Variants in PLCE1 observed in about 807,000 individuals in gnomAD.
PLCE1 encodes phospholipase C epsilon 1.
A neutral mutation model predicts 242.8 loss-of-function variants in PLCE1; 119 were observed. The observed-to-expected ratio is 0.49, with a 90% CI of 0.42 to 0.57. PLCE1 has a LOEUF of 0.57. PLCE1 is among the 20% of genes least tolerant of loss of function. The pLI is 0.00. For synonymous variants in PLCE1, 945 were observed against 1,017.4 expected, an observed-to-expected ratio of 0.93 and a Z score of 1.35; for missense variants, 2,441 against 2,788.8, an observed-to-expected ratio of 0.88 and a Z score of 2.81.
At chr10:94,002,646 G>A (rs2134188890) in intron 1 of PLCE1, among the ~76,000 whole-genome samples, 1 of 152,240 alleles carries the variant, frequency 6.6e-6, no homozygotes, top group East Asian at 1.9e-4. Context: ...ATTATATGCT[G>A]TTATCCAATA....
At chr10:94,255,914 A>ACACACTCTCTCTCTCT (rs1284531207) in intron 11 of PLCE1, among the ~76,000 whole-genome samples, 64 of 67,326 alleles carry the variant, frequency 9.5e-4, no homozygotes, top group Non-Finnish European at 1.5e-3. Flanking sequence ...ACACACACAC[A>ACACACTCTCTCTCTCT]CTCTCTCTCT....
chr10:94,109,522 C>T (rs917891097), intron 2 of PLCE1, among the ~76,000 whole-genome samples: 1 of 152,122 alleles, frequency 6.6e-6, no homozygotes, highest in African/African-American at 2.4e-5. Flanking sequence ...GCAGGAGAAT[C>T]GCTTGAACCT....
chr10:94,132,375 C>A lies in PLCE1; in HGVS notation c.1408C>A (p.Leu470Ile), dbSNP rs980321568. ...TSISQYITGS[L>I]LEATTSLGAR... ...AATATCGCAGTACATCACCGGTTCT[C>A]TCCTAGAAGCAACCACGTCTTTGGG... The change falls in exon 3 of 33, where the codon CTC becomes ATC. Residue 470 changes from leucine to isoleucine, a missense_variant. This residue lies in a region of PLCE1 where 733 missense variants were observed against 754.2 expected (regional missense o/e 0.97). Coordinates refer to ENST00000371380, the MANE Select transcript of PLCE1 (RefSeq NM_016341.4). The A allele has an allele frequency of 2.5e-6, 4 of 1,614,098 alleles. No homozygotes were observed. Among genetic ancestry groups the A allele is most frequent in the Non-Finnish European group, 3.4e-6 (4 of 1,179,982 alleles).
chr10:94,248,259 T>C (rs2050757154), intron 8 of PLCE1, among the ~76,000 whole-genome samples: 1 of 152,200 alleles, frequency 6.6e-6, no homozygotes, highest in African/African-American at 2.4e-5. Flanking sequence ...ACAATTATCC[T>C]AATGTTACAC....
intron 2 of PLCE1, among the ~76,000 whole-genome samples, chr10:94,075,679 A>G (rs2044479079): frequency 6.6e-6 from 1 of 152,244 alleles, no homozygotes; most frequent in African/African-American, 2.4e-5. Context: ...TGAGACAAGT[A>G]TGCTGGCACT....
chr10:94,017,205 T>C (rs970160679), intron 1 of PLCE1, among the ~76,000 whole-genome samples: 1 of 152,208 alleles, frequency 6.6e-6, no homozygotes, highest in Non-Finnish European at 1.5e-5. Context: ...AAAACAGTTC[T>C]GTCTGTTTTA....
Position 94,012,272 on chromosome 10 carries a change from T to C in PLCE1, c.-365+18014T>C, listed in dbSNP as rs550343769. 1.2e-4 allele frequency among the ~76,000 whole-genome samples: 18 copies of C among 152,190 alleles called. No homozygotes were observed. The East Asian group carries it at 2.7e-3, about 23-fold the overall frequency. ...GCACAGGGAACTCTGGTTTATCTTTTGAGGCCTCTTGTTTCAGACACATGC... is the reference window on the plus strand; with the variant it reads ...GCACAGGGAACTCTGGTTTATCTTTCGAGGCCTCTTGTTTCAGACACATGC... On this transcript the variant is annotated intron_variant, in intron 1 of 32. Transcript: ENST00000371380.
intron 2 of PLCE1, among the ~76,000 whole-genome samples, chr10:94,070,438 G>C (rs1341119888): frequency 6.6e-6 from 1 of 151,990 alleles, no homozygotes; most frequent in African/African-American, 2.4e-5. Context: ...TCTGCTAATG[G>C]CTCCATCCTA....
intron 1 of PLCE1, among the ~76,000 whole-genome samples, chr10:94,011,291 C>A (rs1233955524): frequency 6.6e-6 from 1 of 152,090 alleles, no homozygotes; most frequent in Non-Finnish European, 1.5e-5. Context: ...ACAACCAGAT[C>A]TTGTGTGAAC....
intron 1 of PLCE1, among the ~76,000 whole-genome samples, chr10:94,018,269 C>T (rs552799279): frequency 2.0e-5 from 3 of 152,290 alleles, no homozygotes; most frequent in African/African-American, 7.2e-5. Context: ...CAGCTCAGGG[C>T]CCTTCCCACT....
intron 2 of PLCE1, chr10:94,099,561 A>C (rs2135467989): frequency 6.6e-6 from 1 of 152,334 alleles, no homozygotes; most frequent in South Asian, 2.1e-4. Context: ...TCTTGTTTAT[A>C]AGGAGGGAGC....
At chr10:94,006,831 C>A (rs765906576) in intron 1 of PLCE1, among the ~76,000 whole-genome samples, 3 of 152,154 alleles carry the variant, frequency 2.0e-5, no homozygotes, top group African/African-American at 7.2e-5. Context: ...ATGACTGTGG[C>A]AGGCTGGAAT....
At chr10:94,168,113 A>C (rs1256389079) in intron 3 of PLCE1, among the ~76,000 whole-genome samples, 4 of 152,196 alleles carry the variant, frequency 2.6e-5, no homozygotes, top group Non-Finnish European at 5.9e-5. Flanking sequence ...ACTTTGCTTC[A>C]TGGATCATGA....
chr10:94,111,513 C>T (rs982177674), intron 2 of PLCE1, among the ~76,000 whole-genome samples: 4 of 152,176 alleles, frequency 2.6e-5, no homozygotes, highest in African/African-American at 9.7e-5. Context: ...GAGCCTAGGG[C>T]AGCCCTCAGC....
intron 1 of PLCE1, among the ~76,000 whole-genome samples, chr10:94,009,542 C>A (rs894115015): frequency 3.3e-5 from 5 of 152,254 alleles, no homozygotes; most frequent in African/African-American, 1.2e-4. Context: ...TAACTCATTC[C>A]ACCATCAAGT....
At chr10:94,125,513 C>G (rs1169450746) in intron 2 of PLCE1, among the ~76,000 whole-genome samples, 1 of 152,126 alleles carries the variant, frequency 6.6e-6, no homozygotes, top group Non-Finnish European at 1.5e-5. Context: ...CTGCCTCAGC[C>G]TCCGGAGTAG....
rs115036073 is a variant in PLCE1, at chr10:94,247,206, T to C, written c.3096+585T>C. Among the ~76,000 whole-genome samples, 363 of 152,154 alleles carry C rather than the reference T, an allele frequency of 2.4e-3. 1 individual carries two copies. Among genetic ancestry groups the C allele is most frequent in the African/African-American group, 8.4e-3 (349 of 41,550 alleles). On this transcript the variant is annotated intron_variant, in intron 8 of 32. Coordinates refer to ENST00000371380, the MANE Select transcript of PLCE1 (RefSeq NM_016341.4). ...TATCTGCACTCATAGGTGGTCCTAT[T>C]TGTATTTTGTATGAAATACATTTTA...
intron 2 of PLCE1, among the ~76,000 whole-genome samples, chr10:94,068,123 T>A (rs1337107992): frequency 6.6e-6 from 1 of 152,140 alleles, no homozygotes; most frequent in African/African-American, 2.4e-5. Flanking sequence ...ATCTGTCCCA[T>A]CTCTTTGCTC....
At position 94,332,086 on chromosome 10, in the gene PLCE1, G is replaced by C. The variant is rs1268611630; in HGVS notation, c.*4143G>C. On this transcript the variant is annotated 3_prime_UTR_variant, in exon 33 of 33. Coordinates refer to ENST00000371380, the MANE Select transcript of PLCE1 (RefSeq NM_016341.4). Reference sequence around the variant, plus strand: ...GGGTTTCACTATGTTGGTAAGGCTGGTCTCGAACTCCTGACCTCGTGATCC... The same window carrying C: ...GGGTTTCACTATGTTGGTAAGGCTGCTCTCGAACTCCTGACCTCGTGATCC... The C allele has an allele frequency of 6.6e-6, 1 of 151,888 alleles. No individual in the cohort carries two copies. The highest frequency in any genetic ancestry group is 1.5e-5 in the Non-Finnish European group (1 of 68,076). 9.4% of individuals were successfully genotyped at this position (151,888 alleles called of 1,614,324 possible).
Sources: gnomAD v4.1 joint callset for allele counts (sites outside exome capture counted in the v4.1 genomes callset) on GRCh38, gnomAD v4.1.1 for gene constraint, gnomAD v4.1.1 regional missense constraint, MANE v1.5 for transcripts, NCBI Gene and HGNC (gene_info 2026-07-23, HGNC 2026-07-21) for gene names.